The following NALF1 variants were observed in gnomAD, a reference collection of about 807,000 sequenced individuals.
The protein encoded by NALF1 is family with sequence similarity 155 member A.
NALF1 carries 3 observed loss-of-function variants against 48.4 expected under a neutral mutation model. That is an observed-to-expected ratio of 0.06 (90% confidence interval 0.03 to 0.16). NALF1 has a LOEUF of 0.16. Ranked by LOEUF, NALF1 falls within the 10% of genes least tolerant of loss-of-function variation. NALF1 has a pLI of 1.00. For missense variants in NALF1, 526 were observed against 571.5 expected, an observed-to-expected ratio of 0.92 and a Z score of 0.81; for synonymous variants, 262 against 245.7, an observed-to-expected ratio of 1.07 and a Z score of -0.62.
chr13:107,653,671 ACC>A (rs1423362029), intron 1 of NALF1, among the ~76,000 whole-genome samples: 2 of 151,994 alleles, frequency 1.3e-5, no homozygotes, highest in Non-Finnish European at 2.9e-5. Flanking sequence ...ATGAGAGATG[ACC>A]TTCATGACTC....
intron 1 of NALF1, among the ~76,000 whole-genome samples, chr13:107,606,357 T>G (rs1879069704): frequency 6.6e-6 from 1 of 150,590 alleles, no homozygotes; most frequent in Non-Finnish European, 1.5e-5. Context: ...TATGTATATC[T>G]TATTTATTTA....
At chr13:107,640,247 T>C (rs1382875354) in intron 1 of NALF1, among the ~76,000 whole-genome samples, 1 of 152,130 alleles carries the variant, frequency 6.6e-6, no homozygotes, top group Non-Finnish European at 1.5e-5. Context: ...ACTACGGCAT[T>C]AGTCAGAGGA....
chr13:107,738,648 CAA>C (rs1175795319), intron 1 of NALF1, among the ~76,000 whole-genome samples: 1 of 152,050 alleles, frequency 6.6e-6, no homozygotes, highest in Non-Finnish European at 1.5e-5. Context: ...AATACATTTT[CAA>C]AAGAGTTCAG....
intron 1 of NALF1, among the ~76,000 whole-genome samples, chr13:107,262,486 A>G (rs1880947897): frequency 6.6e-6 from 1 of 152,192 alleles, no homozygotes; most frequent in Non-Finnish European, 1.5e-5. Flanking sequence ...TGCTTATACT[A>G]TACATCAAAC....
intron 1 of NALF1, among the ~76,000 whole-genome samples, chr13:107,234,032 A>C (rs998537297): frequency 6.6e-6 from 1 of 152,088 alleles, no homozygotes; most frequent in African/African-American, 2.4e-5. Context: ...TTGCTGAAAA[A>C]CCTTGGATTT....
intron 1 of NALF1, among the ~76,000 whole-genome samples, chr13:107,345,127 G>C (rs1007497243): frequency 6.6e-6 from 1 of 151,694 alleles, no homozygotes; most frequent in African/African-American, 2.4e-5. Context: ...CTTGTACACT[G>C]ACAACTTCAA....
intron 1 of NALF1, among the ~76,000 whole-genome samples, chr13:107,623,127 T>C (rs9555391): frequency 0.58 from 87,986 of 152,032 alleles, 27,938 homozygotes; most frequent in East Asian, 0.99. Context: ...AACTCCCTCA[T>C]AATTTTGCAT....
At chr13:107,586,199 G>A (rs1878451972) in intron 1 of NALF1, among the ~76,000 whole-genome samples, 1 of 152,122 alleles carries the variant, frequency 6.6e-6, no homozygotes, top group Non-Finnish European at 1.5e-5. Context: ...AAGCTGGTTT[G>A]AATCTGCAGC....
chr13:107,197,659 C>T (rs968592760), intron 2 of NALF1, among the ~76,000 whole-genome samples: 1 of 152,210 alleles, frequency 6.6e-6, no homozygotes, highest in African/African-American at 2.4e-5. Flanking sequence ...ATGGCACTCA[C>T]CTGCTGGAGT....
chr13:107,255,694 G>C (rs999627333), intron 1 of NALF1, among the ~76,000 whole-genome samples: 2 of 152,100 alleles, frequency 1.3e-5, no homozygotes, highest in Non-Finnish European at 2.9e-5. Flanking sequence ...GCTCACAAAT[G>C]CTCATAACAG....
intron 1 of NALF1, among the ~76,000 whole-genome samples, chr13:107,349,770 T>C (rs1882838777): frequency 6.7e-6 from 1 of 150,070 alleles, no homozygotes; most frequent in African/African-American, 2.5e-5. Context: ...CTGAGGTAGC[T>C]GATTTATCTC....
At chr13:107,659,923 G>T (rs980893107) in intron 1 of NALF1, among the ~76,000 whole-genome samples, 14 of 151,652 alleles carry the variant, frequency 9.2e-5, no homozygotes, top group Non-Finnish European at 1.8e-4. Flanking sequence ...AGTAGAGACG[G>T]GGTTTCACCA....
chr13:107,643,905 G>C (rs1405602594), intron 1 of NALF1, among the ~76,000 whole-genome samples: 1 of 151,434 alleles, frequency 6.6e-6, no homozygotes, highest in African/African-American at 2.4e-5. Context: ...TTTCCATTGA[G>C]AGAGAGAAGT....
At chr13:107,341,032 G>C (rs1882670086) in intron 1 of NALF1, among the ~76,000 whole-genome samples, 1 of 152,008 alleles carries the variant, frequency 6.6e-6, no homozygotes, top group African/African-American at 2.4e-5. Flanking sequence ...TCATCTCCTA[G>C]TATCACCCCC....
intron 1 of NALF1, among the ~76,000 whole-genome samples, chr13:107,558,999 G>T (rs1226331598): frequency 6.6e-6 from 1 of 152,116 alleles, no homozygotes; most frequent in Non-Finnish European, 1.5e-5. Context: ...GGGCTTTCCT[G>T]GCCCCCCACC....
At chr13:107,766,182 A>G (rs1357106480) in intron 1 of NALF1, among the ~76,000 whole-genome samples, 1 of 152,200 alleles carries the variant, frequency 6.6e-6, no homozygotes, top group Non-Finnish European at 1.5e-5. Context: ...CATTAGCCTG[A>G]GAAGCTTAGC....
chr13:107,680,984 G>C (rs1257647646), intron 1 of NALF1, among the ~76,000 whole-genome samples: 1 of 142,342 alleles, frequency 7.0e-6, no homozygotes. Flanking sequence ...CGTCATGTCA[G>C]TTAATTTTTC....
At chr13:107,681,974 C>T (rs1252003358) in intron 1 of NALF1, among the ~76,000 whole-genome samples, 1 of 152,194 alleles carries the variant, frequency 6.6e-6, no homozygotes, top group East Asian at 1.9e-4. Flanking sequence ...CGTTGGACTC[C>T]TGTGGAAATC....
chr13:107,549,551 A>G (rs997690380), intron 1 of NALF1, among the ~76,000 whole-genome samples: 4 of 152,134 alleles, frequency 2.6e-5, no homozygotes, highest in Non-Finnish European at 5.9e-5. Flanking sequence ...AATGTAATAC[A>G]TCTCTCCACC....
Sources: allele counts gnomAD v4.1 joint callset (sites outside exome capture counted in the v4.1 genomes callset), GRCh38; gene constraint gnomAD v4.1.1; transcripts MANE v1.5; gene names NCBI Gene and HGNC (gene_info 2026-07-23, HGNC 2026-07-21).